Variants in DCHS2 observed in about 807,000 individuals in gnomAD.
DCHS2 encodes the protein dachsous cadherin-related 2.
A neutral mutation model predicts 182.4 loss-of-function variants in DCHS2; 142 were observed. That is an observed-to-expected ratio of 0.78 (90% confidence interval 0.68 to 0.89). DCHS2 has a LOEUF of 0.89. Among genes scored for constraint, DCHS2 ranks in the 40% least tolerant of loss-of-function variants. DCHS2 has a pLI of 0.00. For synonymous variants in DCHS2, 1,740 were observed against 1,663.3 expected, an observed-to-expected ratio of 1.05 and a Z score of -1.12; for missense variants, 4,319 against 4,198.6, an observed-to-expected ratio of 1.03 and a Z score of -0.79.
intron 1 of DCHS2, among the ~76,000 whole-genome samples, chr4:154,417,192 TGTGTGTGTGTGTGAGAGAGAGAGAGAGA>T (rs1732877284): frequency 3.8e-5 from 4 of 104,094 alleles, no homozygotes; most frequent in African/African-American, 1.1e-4. Flanking sequence ...TGTGTGTGTG[TGTGTGTGTGTGTGAGAGAGAGAGAGAGA>T]GAGAGAGAGA....
chr4:154,274,824 C>CT (rs1354132910), intron 13 of DCHS2, among the ~76,000 whole-genome samples: 1 of 151,656 alleles, frequency 6.6e-6, no homozygotes, highest in East Asian at 1.9e-4. Context: ...TTTTAACTAA[C>CT]TTTTTTTTCA....
intron 10 of DCHS2, among the ~76,000 whole-genome samples, chr4:154,311,104 C>A (rs949126510): frequency 6.6e-6 from 1 of 152,148 alleles, no homozygotes. Context: ...GTGCTAGGAG[C>A]TGAGAACAGA....
intron 16 of DCHS2, among the ~76,000 whole-genome samples, chr4:154,255,168 A>G (rs1247478144): frequency 2.0e-5 from 3 of 152,212 alleles, no homozygotes; most frequent in East Asian, 1.9e-4. Flanking sequence ...TAAAAAAACA[A>G]TAACAACAAA....
At chr4:154,426,279 T>C (rs1361643543) in intron 1 of DCHS2, among the ~76,000 whole-genome samples, 2 of 152,222 alleles carry the variant, frequency 1.3e-5, no homozygotes, top group African/African-American at 4.8e-5. Context: ...TCTTCTTCAA[T>C]TAGTTTTTAG....
intron 1 of DCHS2, among the ~76,000 whole-genome samples, chr4:154,434,488 T>C (rs896240669): frequency 1.3e-5 from 2 of 151,156 alleles, no homozygotes; most frequent in African/African-American, 4.9e-5. Flanking sequence ...ATTGAAGTAG[T>C]AAATTTGATG....
intron 13 of DCHS2, among the ~76,000 whole-genome samples, chr4:154,278,367 C>G (rs1733964623): frequency 1.3e-5 from 2 of 151,892 alleles, no homozygotes; most frequent in South Asian, 4.2e-4. Flanking sequence ...CTAAGGAACT[C>G]ATGGGACATC....
intron 7 of DCHS2, among the ~76,000 whole-genome samples, chr4:154,324,725 G>C (rs1214998293): frequency 6.6e-6 from 1 of 152,020 alleles, no homozygotes; most frequent in Non-Finnish European, 1.5e-5. Context: ...AGTTTTTAGG[G>C]ACATAAAAGC....
Position 154,490,901 on chromosome 4 carries a change from T to C in DCHS2, c.455A>G (p.Gln152Arg). The C allele has an allele frequency of 6.4e-7, 1 of 1,551,342 alleles. No individual in the cohort carries two copies. Among genetic ancestry groups the C allele is most frequent in the East Asian group, 2.4e-5 (1 of 40,904 alleles). Reference protein sequence around the residue: ...VAATLLGAVVQVEIRVNDVND... With the variant: ...VAATLLGAVVRVEIRVNDVND... ...CACGTCGTTGACGCGAATCTCCACC[T>C]GCACCACAGCGCCCAGCAGCGTGGC... is the stretch of plus-strand genomic sequence containing the variant. The change falls in exon 1 of 20, where the codon CAG becomes CGG. Residue 152 changes from glutamine (Q) to arginine (R), a missense_variant. By Grantham distance (43) the Gln-to-Arg change is conservative. Transcript: ENST00000357232.
Position 154,304,107 on chromosome 4 carries a change from G to A in DCHS2, c.5605+562C>T, listed in dbSNP as rs1347761261. 5.3e-5 allele frequency among the ~76,000 whole-genome samples: 8 copies of A among 151,464 alleles called. No individual in the cohort carries two copies. In the East Asian group the frequency reaches 1.5e-3, roughly 29 times the overall value. ...TAACGGGACCTAGATCTAGGATGCA[G>A]ATGGAGATGGGAGCCATTGGCATCC... On this transcript the variant is annotated intron_variant, in intron 12 of 19. Coordinates refer to ENST00000357232, the MANE Select transcript of DCHS2 (RefSeq NM_001358235.2).
At chr4:154,289,059 AAAG>A (rs1561014256) in intron 13 of DCHS2, among the ~76,000 whole-genome samples, 1 of 152,094 alleles carries the variant, frequency 6.6e-6, no homozygotes, top group Non-Finnish European at 1.5e-5. Context: ...TGGTAGCAGA[AAAG>A]AAATAACAAA....
At chr4:154,249,951 A>G (rs1732271605) in intron 16 of DCHS2, among the ~76,000 whole-genome samples, 1 of 152,146 alleles carries the variant, frequency 6.6e-6, no homozygotes, top group African/African-American at 2.4e-5. Flanking sequence ...TGCTCACTAC[A>G]TAGTACAACA....
intron 13 of DCHS2, among the ~76,000 whole-genome samples, chr4:154,297,414 A>G (rs1484475207): frequency 2.0e-5 from 3 of 152,232 alleles, no homozygotes; most frequent in Non-Finnish European, 2.9e-5. Context: ...AGAAGTATCT[A>G]TAGGCTTTTT....
At position 154,234,410 on chromosome 4, in the gene DCHS2, A is replaced by ACTC. The variant is rs1181701610; in HGVS notation, c.*123_*125dup. The ACTC allele has an allele frequency of 4.5e-6, 6 of 1,331,464 alleles. No individual in the cohort carries two copies. The highest frequency in any genetic ancestry group is 4.0e-6 in the Non-Finnish European group (4 of 1,007,950). The allele number at this position is 1,331,464 out of a possible 1,614,324, so 82.5% of individuals were successfully genotyped here. The stretch of plus-strand genomic sequence containing the variant: ...AAACTTTAATGGGGAAGTTTTAAAA[A>ACTC]CTCTAACTAAATTACATCACTTGCT... On this transcript the variant is annotated 3_prime_UTR_variant, in exon 20 of 20. Coordinates refer to ENST00000357232, the MANE Select transcript of DCHS2 (RefSeq NM_001358235.2).
At chr4:154,455,072 A>G (rs1207869532) in intron 1 of DCHS2, among the ~76,000 whole-genome samples, 1 of 152,350 alleles carries the variant, frequency 6.6e-6, no homozygotes, top group East Asian at 1.9e-4. Flanking sequence ...TAAACTTTCA[A>G]TTACCTGTAA....
At chr4:154,368,669 A>C (rs1248916539) in intron 2 of DCHS2, among the ~76,000 whole-genome samples, 2 of 152,110 alleles carry the variant, frequency 1.3e-5, no homozygotes, top group African/African-American at 4.8e-5. Flanking sequence ...GGCACACACC[A>C]CCACACCCGG....
rs776464375 is a variant in DCHS2 at position 154,489,472 on chromosome 4, C to T, written c.1884G>A (p.Ala628=). 1.5e-4 allele frequency: 235 copies of T among 1,551,582 alleles called. No individual in the cohort carries two copies. Among genetic ancestry groups the T allele is most frequent in the Non-Finnish European group, 2.0e-4 (224 of 1,147,008 alleles). ...CCTGGGCCACCACTTTCAGCTCCAC[C>T]GCCTCCTGGACCTCTCGGTCTAGAG... is the stretch of plus-strand genomic sequence containing the variant. The part of the protein sequence containing the change: ...IRTLDREVQE[A]VELKVVAQDL... Residue 628 remains alanine, a synonymous_variant, in exon 1 of 20, where the codon GCG becomes GCA. Transcript: ENST00000357232.
At chr4:154,354,087 C>T (rs1246716246) in intron 3 of DCHS2, among the ~76,000 whole-genome samples, 2 of 152,054 alleles carry the variant, frequency 1.3e-5, no homozygotes, top group South Asian at 2.1e-4. Context: ...CCACCACGCC[C>T]GGTTAACATT....
chr4:154,480,743 A>G lies in DCHS2; in HGVS notation c.2052+8561T>C, dbSNP rs72971917. Among the ~76,000 whole-genome samples the G allele has an allele frequency of 7.7e-3, 1,174 of 152,332 alleles. 23 individuals are homozygous for G. Among genetic ancestry groups the G allele is most frequent in the African/African-American group, 0.026 (1,062 of 41,568 alleles). On this transcript the variant is annotated intron_variant, in intron 1 of 19. Transcript: ENST00000357232. ...GGCTGTCAATATATCTAGTACACAC[A>G]TAATACAAATCAATTCAACTGAAAA...
At chr4:154,473,268 A>G (rs919904952) in intron 1 of DCHS2, among the ~76,000 whole-genome samples, 7 of 152,240 alleles carry the variant, frequency 4.6e-5, no homozygotes, top group African/African-American at 7.2e-5. Context: ...GCATCCAGAC[A>G]TTCTGATTCC....
Sources: allele counts gnomAD v4.1 joint callset (sites outside exome capture counted in the v4.1 genomes callset), GRCh38; gene constraint gnomAD v4.1.1; transcripts MANE v1.5; gene names NCBI Gene and HGNC (gene_info 2026-07-23, HGNC 2026-07-21).